SHISA6: variants seen among roughly 807,000 people sequenced by gnomAD.
The protein encoded by SHISA6 is shisa family member 6, also known as protein shisa-6.
Under a neutral mutation model 47.9 loss-of-function variants are expected in SHISA6, and 22 were observed. That is an observed-to-expected ratio of 0.46 (90% CI 0.33 to 0.66). SHISA6 has a LOEUF of 0.66. Among genes scored for constraint, SHISA6 ranks in the 30% least tolerant of loss-of-function variants. The pLI, the probability that SHISA6 is intolerant of heterozygous loss-of-function variation, is 0.02. For missense variants in SHISA6, 680 were observed against 764.6 expected (o/e 0.89, Z 1.30); for synonymous variants, 388 against 337.8 (o/e 1.15, Z -1.63).
At chr17:11,254,655 A>T (rs1389138196) in intron 1 of SHISA6, among the ~76,000 whole-genome samples, 2 of 152,140 alleles carry the variant, frequency 1.3e-5, no homozygotes, top group African/African-American at 4.8e-5. Context: ...TATTGTTAGG[A>T]TGCAATTCTA....
rs182767169 is a variant in SHISA6 at position 11,311,331 on chromosome 17, T to C, written c.799+47805T>C. On this transcript the variant is annotated intron_variant, in intron 2 of 5. Transcript: ENST00000441885. ...AAACAAAAAAAATCACCTCTGGCTG[T>C]TGTGTGGACAGGAAACTAAGTATTT... Among the ~76,000 whole-genome samples the C allele has an allele frequency of 4.3e-3, 653 of 151,406 alleles. 2 individuals are homozygous for C. The highest frequency in any genetic ancestry group is 0.015 in the African/African-American group (631 of 41,304).
intron 3 of SHISA6, among the ~76,000 whole-genome samples, chr17:11,383,706 A>G (rs1170448792): frequency 2.0e-5 from 3 of 152,062 alleles, no homozygotes; most frequent in Non-Finnish European, 2.9e-5. Context: ...TCCTCTTACT[A>G]TCTCCTTCTA....
At chr17:11,284,753 A>G (rs750422434) in intron 2 of SHISA6, among the ~76,000 whole-genome samples, 4 of 152,196 alleles carry the variant, frequency 2.6e-5, no homozygotes, top group African/African-American at 7.2e-5. Flanking sequence ...TTAGACTTCT[A>G]TAGCACTTTA....
chr17:11,476,185 T>G (rs1180576231), intron 3 of SHISA6, among the ~76,000 whole-genome samples: 1 of 152,060 alleles, frequency 6.6e-6, no homozygotes, highest in African/African-American at 2.4e-5. Flanking sequence ...TTTTTCTTAG[T>G]TAGCTCAGCT....
At chr17:11,528,887 T>G (rs2071709474) in intron 3 of SHISA6, among the ~76,000 whole-genome samples, 2 of 152,144 alleles carry the variant, frequency 1.3e-5, no homozygotes, top group African/African-American at 4.8e-5. Context: ...TAGCTGCTAC[T>G]CTACTATGAA....
chr17:11,545,243 C>T (rs966800107), intron 3 of SHISA6, among the ~76,000 whole-genome samples: 1 of 152,008 alleles, frequency 6.6e-6, no homozygotes, highest in African/African-American at 2.4e-5. Flanking sequence ...TGCAACAACC[C>T]GGAACAATCT....
At chr17:11,246,688 T>A (rs373920018) in intron 1 of SHISA6, among the ~76,000 whole-genome samples, 1 of 152,194 alleles carries the variant, frequency 6.6e-6, no homozygotes, top group African/African-American at 2.4e-5. Context: ...CCTGCCTTCA[T>A]GTGCCACAGG....
chr17:11,404,182 T>C (rs569595287), intron 3 of SHISA6, among the ~76,000 whole-genome samples: 1 of 152,376 alleles, frequency 6.6e-6, no homozygotes, highest in East Asian at 1.9e-4. Flanking sequence ...GTCTTTGCTC[T>C]TTTGAATTAA....
chr17:11,426,417 A>G (rs942308449), intron 3 of SHISA6, among the ~76,000 whole-genome samples: 11 of 152,182 alleles, frequency 7.2e-5, no homozygotes, highest in African/African-American at 2.7e-4. Flanking sequence ...ATGTTCCCCA[A>G]TAGCAAAAAT....
chr17:11,241,967 G>A lies in SHISA6; in HGVS notation c.545G>A (p.Cys182Tyr). 1 of 1,550,932 alleles carries A rather than the reference G, an allele frequency of 6.4e-7. No individual in the cohort carries two copies. The highest frequency in any genetic ancestry group is 1.2e-5 in the South Asian group (1 of 84,062). Residue 182 changes from cysteine (C) to tyrosine (Y), a missense_variant, in exon 1 of 6, where the codon TGC becomes TAC. Physicochemically the swap from Cys to Tyr is radical, Grantham distance 194. Coordinates refer to ENST00000441885, the MANE Select transcript of SHISA6 (RefSeq NM_207386.4). The surrounding 1 kb of genome is among the most constrained non-coding windows in gnomAD (Gnocchi z 5.5). Reference sequence around the variant, plus strand: ...ACCAACTTCACCGTCTACATCACCTGCGGGGTGATCGCCTTCGTCATCGTG... The same window carrying A: ...ACCAACTTCACCGTCTACATCACCTACGGGGTGATCGCCTTCGTCATCGTG... ...DKTNFTVYIT[C>Y]GVIAFVIVAG...
In SHISA6 at chr17:11,436,526, T is replaced by C. The variant is rs569420110; in HGVS notation, c.895+57017T>C. Reference sequence around the variant, plus strand: ...ACATCCCTATTCTTTATCAGATCTCTATTATTCACTTTAACAGCATCCCTT... The same window carrying C: ...ACATCCCTATTCTTTATCAGATCTCCATTATTCACTTTAACAGCATCCCTT... On this transcript the variant is annotated intron_variant, in intron 3 of 5. Transcript: ENST00000441885. 4.6e-5 allele frequency among the ~76,000 whole-genome samples: 7 copies of C among 152,338 alleles called. No individual in the cohort carries two copies. The East Asian group carries it at 7.7e-4, about 17-fold the overall frequency.
intron 1 of SHISA6, among the ~76,000 whole-genome samples, chr17:11,250,260 C>T (rs2142136056): frequency 6.6e-6 from 1 of 152,312 alleles, no homozygotes; most frequent in African/African-American, 2.4e-5. Flanking sequence ...AGAGTGTTCA[C>T]TGTGCCTTCC....
chr17:11,548,288 G>A (rs886775003), intron 3 of SHISA6, among the ~76,000 whole-genome samples: 7 of 151,910 alleles, frequency 4.6e-5, no homozygotes, highest in Non-Finnish European at 8.8e-5. Context: ...GCATTCCTCC[G>A]AACATCCAAA....
chr17:11,417,149 G>T (rs1206956111), intron 3 of SHISA6, among the ~76,000 whole-genome samples: 1 of 152,096 alleles, frequency 6.6e-6, no homozygotes, highest in Non-Finnish European at 1.5e-5. Flanking sequence ...GGAGATAACA[G>T]TTCATTTATA....
chr17:11,379,744 C>G (rs537287625), intron 3 of SHISA6: 1 of 373,080 alleles, frequency 2.7e-6, no homozygotes, highest in South Asian at 3.4e-5. Flanking sequence ...CCACCCATGG[C>G]GGGGACACAG....
intron 2 of SHISA6, among the ~76,000 whole-genome samples, chr17:11,338,113 C>G (rs1911386361): frequency 6.6e-6 from 1 of 152,176 alleles, no homozygotes; most frequent in Non-Finnish European, 1.5e-5. Context: ...ATCAGCTGGA[C>G]TCAGCATCTG....
intron 3 of SHISA6, among the ~76,000 whole-genome samples, chr17:11,386,605 G>C (rs1913201861): frequency 6.6e-6 from 1 of 152,108 alleles, no homozygotes; most frequent in African/African-American, 2.4e-5. Flanking sequence ...TCTGCAGATA[G>C]GAATGATCCA....
At chr17:11,312,812 G>A (rs1910382413) in intron 2 of SHISA6, among the ~76,000 whole-genome samples, 1 of 152,058 alleles carries the variant, frequency 6.6e-6, no homozygotes, top group Non-Finnish European at 1.5e-5. Context: ...GAGCATATAG[G>A]CATCTAGGTT....
At chr17:11,261,704 C>T (rs1050811728) in intron 1 of SHISA6, among the ~76,000 whole-genome samples, 6 of 152,164 alleles carry the variant, frequency 3.9e-5, no homozygotes, top group Admixed American at 6.5e-5. Flanking sequence ...TTTTTCCTTT[C>T]AGCAGTTGAT....
Sources: gnomAD v4.1 joint callset for allele counts (sites outside exome capture counted in the v4.1 genomes callset) on GRCh38, gnomAD v4.1.1 for gene constraint, Gnocchi (gnomAD v3.1) non-coding constraint, MANE v1.5 for transcripts, NCBI Gene and HGNC (gene_info 2026-07-23, HGNC 2026-07-21) for gene names.